PDIA6: variants seen among roughly 807,000 people sequenced by gnomAD.
The protein encoded by PDIA6 is protein disulfide-isomerase A6.
PDIA6 carries 29 observed loss-of-function variants against 58.4 expected under a neutral mutation model. That is an observed-to-expected ratio of 0.50 (90% CI 0.37 to 0.68). The LOEUF is 0.68. Ranked by LOEUF, PDIA6 falls within the 30% of genes least tolerant of loss-of-function variation. The pLI is 0.00. For missense variants in PDIA6, 480 were observed against 551.0 expected, an observed-to-expected ratio of 0.87 and a Z score of 1.29; for synonymous variants, 192 against 202.6, an observed-to-expected ratio of 0.95 and a Z score of 0.44.
intron 2 of PDIA6, among the ~76,000 whole-genome samples, chr2:10,801,511 C>G (rs1666510852): frequency 6.6e-6 from 1 of 152,144 alleles, no homozygotes; most frequent in African/African-American, 2.4e-5. Flanking sequence ...ACAGTTTGTA[C>G]AATTACTATT....
upstream of PDIA6, among the ~76,000 whole-genome samples, chr2:10,815,779 AT>A (rs1667175304): frequency 6.6e-6 from 1 of 152,148 alleles, no homozygotes. Context: ...TCCTGACCTC[AT>A]GTGATCCGCC....
chr2:10,787,222 A>G (rs1665807540), intron 11 of PDIA6, 59 bp downstream of exon 11: 2 of 1,484,066 alleles, frequency 1.3e-6, no homozygotes, highest in Admixed American at 3.4e-5. Flanking sequence ...CCAAATATAA[A>G]CCTACAACAG....
At chr2:10,819,335 G>A (rs72779452) in exon 2 of PDIA6, 1 of 1,516,452 alleles carries the variant, frequency 6.6e-7, no homozygotes, top group Non-Finnish European at 9.0e-7. Flanking sequence ...ATAGGGAGTG[G>A]GCAGGAGAAG....
chr2:10,837,140 C>A (rs1199579491), upstream of PDIA6, among the ~76,000 whole-genome samples: 1 of 152,178 alleles, frequency 6.6e-6, no homozygotes, highest in Non-Finnish European at 1.5e-5. Flanking sequence ...CTGTCCCTGC[C>A]TCTGTTCTCA....
intron 1 of PDIA6, among the ~76,000 whole-genome samples, chr2:10,804,275 C>G (rs57657112): frequency 0.49 from 72,531 of 149,438 alleles, 19,090 homozygotes; most frequent in Middle Eastern, 0.58. Context: ...AAAAAACCTA[C>G]GTTTTCTTCT....
intron 1 of PDIA6, chr2:10,821,081 C>T (rs555854645): frequency 1.2e-5 from 6 of 499,852 alleles, no homozygotes; most frequent in African/African-American, 3.9e-5. Context: ...AAACAGCCTT[C>T]GGAGATTTGG....
chr2:10,800,991 C>A (rs7588660), intron 2 of PDIA6, among the ~76,000 whole-genome samples: 6 of 152,102 alleles, frequency 3.9e-5, no homozygotes, highest in African/African-American at 1.4e-4. Flanking sequence ...TAAAAAGCAC[C>A]TGCCTGACCC....
chr2:10,830,602 A>G (rs986121814), intron 1 of PDIA6, among the ~76,000 whole-genome samples: 2 of 152,260 alleles, frequency 1.3e-5, no homozygotes, highest in Non-Finnish European at 2.9e-5. Flanking sequence ...TCTCAAAAAT[A>G]AAATCCAAAA....
intron 1 of PDIA6, chr2:10,810,314 G>T: frequency 6.5e-7 from 1 of 1,533,554 alleles, no homozygotes; most frequent in African/African-American, 1.4e-5. Flanking sequence ...ATAATCCACA[G>T]AGCATCATTA....
intron 1 of PDIA6, among the ~76,000 whole-genome samples, chr2:10,826,854 A>G (rs1170446642): frequency 1.3e-5 from 2 of 152,114 alleles, no homozygotes; most frequent in Non-Finnish European, 2.9e-5. Flanking sequence ...TCATGGCAGT[A>G]TTCTTTCATT....
chr2:10,786,231 G>A (rs953526414), intron 11 of PDIA6, among the ~76,000 whole-genome samples: 1 of 152,086 alleles, frequency 6.6e-6, no homozygotes, highest in Non-Finnish European at 1.5e-5. Flanking sequence ...GCTGAGGCAG[G>A]AGAATCACTT....
At chr2:10,815,065 A>G (rs1267267863), upstream of PDIA6, among the ~76,000 whole-genome samples, 2 of 152,090 alleles carry the variant, frequency 1.3e-5, no homozygotes, top group Admixed American at 1.3e-4. Flanking sequence ...TGTGAAGCCC[A>G]CTGTACAGGC....
At position 10,789,857 on chromosome 2, in the gene PDIA6, C is replaced by T. The variant is rs201319344; in HGVS notation, c.732G>A (p.Gln244=). 171 of 1,613,612 alleles carry T rather than the reference C, an allele frequency of 1.1e-4. 1 individual carries two copies. In the East Asian group the frequency reaches 3.5e-3, roughly 33 times the overall value. ...IRGFPTIKIF[Q]KGESPVDYDG... ...CATAATCCACAGGAGACTCGCCTTT[C>T]TGAAATATCTTGATTGTAGGAAATC... The change falls in exon 8 of 13, where the codon CAG becomes CAA. Residue 244 remains glutamine, a synonymous_variant. Transcript: ENST00000272227.
chr2:10,797,494 AT>A (rs1666319741), intron 3 of PDIA6, among the ~76,000 whole-genome samples: 1 of 152,252 alleles, frequency 6.6e-6, no homozygotes, highest in African/African-American at 2.4e-5. Context: ...CAATGTAAAC[AT>A]TTAAATGTGT....
At chr2:10,794,202 T>C (rs1332575695) in intron 4 of PDIA6, among the ~76,000 whole-genome samples, 1 of 152,046 alleles carries the variant, frequency 6.6e-6, no homozygotes, top group Non-Finnish European at 1.5e-5. Flanking sequence ...TCTCAGCACT[T>C]TGGGAGGCAG....
rs546083857 is a variant in PDIA6 at position 10,821,288 on chromosome 2, C to A, written c.-47-1934G>T. 5 of 162,892 alleles carry A rather than the reference C, an allele frequency of 3.1e-5. No homozygotes were observed. The South Asian group carries it at 8.3e-4, about 27-fold the overall frequency. The allele number at this position is 162,892 out of a possible 1,614,324, so 10.1% of individuals were successfully genotyped here. On this transcript the variant is annotated intron_variant, in intron 1 of 13. Coordinates refer to the PDIA6 transcript ENST00000381611. ...CAGTAAGCCAGTGGAGGGCAAGATT[C>A]GGTTAATCAATTTTACCTGTGTGTA...
At chr2:10,788,623 C>G in intron 10 of PDIA6, 74 bp downstream of exon 10, 1 of 1,006,534 alleles carries the variant, frequency 9.9e-7, no homozygotes. Context: ...TACAAAAACA[C>G]GGGGGAACCA....
intron 1 of PDIA6, among the ~76,000 whole-genome samples, chr2:10,820,309 A>C (rs1049589894): frequency 6.6e-6 from 1 of 152,184 alleles, no homozygotes; most frequent in Non-Finnish European, 1.5e-5. Context: ...AGAGGGCATG[A>C]AAAATTGATT....
chr2:10,789,949 C>G, intron 7 of PDIA6, 60 bp from the exon 8 acceptor site: 1 of 1,461,118 alleles, frequency 6.8e-7, no homozygotes, highest in Non-Finnish European at 9.4e-7. Flanking sequence ...ATAACACAAT[C>G]TTTACAGTTT....
Sources: gnomAD v4.1 joint callset for allele counts (sites outside exome capture counted in the v4.1 genomes callset) on GRCh38, gnomAD v4.1.1 for gene constraint, MANE v1.5 for transcripts, NCBI Gene and HGNC (gene_info 2026-07-23, HGNC 2026-07-21) for gene names.